The following FRMPD4 variants were observed in gnomAD, a reference collection of about 807,000 sequenced individuals.
FRMPD4 encodes the protein FERM and PDZ domain-containing protein 4.
FRMPD4 carries 22 observed loss-of-function variants against 94.1 expected under a neutral mutation model. That is an observed-to-expected ratio of 0.23 (90% CI 0.17 to 0.33). The LOEUF (loss-of-function observed/expected upper bound fraction) is 0.33. Ranked by LOEUF, FRMPD4 falls within the 10% of genes least tolerant of loss-of-function variation. FRMPD4 has a pLI of 1.00. For synonymous variants in FRMPD4, 631 were observed against 548.6 expected (o/e 1.15, Z -2.10); for missense variants, 1,111 against 1,339.9 (o/e 0.83, Z 2.67).
intron 3 of FRMPD4, among the ~76,000 whole-genome samples, chrX:12,053,190 T>G (rs749703729): frequency 2.8e-5 from 3 of 107,511 alleles, no homozygotes; most frequent in African/African-American, 1.0e-4. Flanking sequence ...ATACAAAAAA[T>G]TAGGTGGGTG....
intron 3 of FRMPD4, among the ~76,000 whole-genome samples, chrX:11,906,030 T>C (rs2053965221): frequency 9.0e-6 from 1 of 111,590 alleles, no homozygotes; most frequent in African/African-American, 3.3e-5. Flanking sequence ...CCAAATCCCC[T>C]GATCTTGACA....
intron 1 of FRMPD4, among the ~76,000 whole-genome samples, chrX:12,461,989 T>C (rs2148156599): frequency 8.9e-6 from 1 of 111,927 alleles, no homozygotes; most frequent in Admixed American, 9.5e-5. Context: ...TGAAAGCCAT[T>C]GTGGATTACC....
At chrX:12,235,401 C>T (rs1001273265) in intron 1 of FRMPD4, among the ~76,000 whole-genome samples, 1 of 112,086 alleles carries the variant, frequency 8.9e-6, no homozygotes, top group African/African-American at 3.2e-5. Flanking sequence ...GACAGGTCTT[C>T]CAAGCTGCAT....
rs1175311842 is a variant in FRMPD4, at chrX:12,087,877, TCTC to T, written c.95+209862_95+209864del. ...CCAAAGAAAATTAATAAGCATGTCT[TCTC>T]CTATTAGATTCCTGTTAAGATTTCA... is the stretch of plus-strand genomic sequence containing the variant. On this transcript the variant is annotated intron_variant, in intron 3 of 18. Transcript: ENST00000640291. Among the ~76,000 whole-genome samples, 3 of 112,543 alleles carry T rather than the reference TCTC, an allele frequency of 2.7e-5. 1 individual carries two copies. Among genetic ancestry groups the T allele is most frequent in the African/African-American group, 9.7e-5 (3 of 31,035 alleles).
intron 1 of FRMPD4, among the ~76,000 whole-genome samples, chrX:11,840,581 C>A (rs1295446218): frequency 9.1e-6 from 1 of 109,580 alleles, no homozygotes; most frequent in Non-Finnish European, 1.9e-5. Flanking sequence ...ACCTGCAGTA[C>A]AATTTTGAAT....
At chrX:12,414,237 C>T (rs2056770766) in intron 1 of FRMPD4, among the ~76,000 whole-genome samples, 1 of 112,526 alleles carries the variant, frequency 8.9e-6, no homozygotes. Flanking sequence ...CACTATGGTT[C>T]ATTAACAGAT....
rs144899875 is a variant in FRMPD4, at chrX:12,718,867, C to T, written c.3964+77C>T. 7.4e-5 allele frequency: 47 copies of T among 634,823 alleles called. 1 individual carries two copies. The highest frequency in any genetic ancestry group is 6.5e-5 in the East Asian group (2 of 30,866). The allele number at this position is 634,823 out of a possible 1,213,427, so 52.3% of individuals were successfully genotyped here. On this transcript the variant is annotated intron_variant, in intron 16 of 16. Transcript: ENST00000675598. ...ACCATATTTACAACAAACTTAAAAACGTAATGTCTGGAAGAAAAGTAAAAG... is the reference window on the plus strand; with the variant it reads ...ACCATATTTACAACAAACTTAAAAATGTAATGTCTGGAAGAAAAGTAAAAG...
chrX:11,873,060 GAAACAC>G (rs1320891691), intron 2 of FRMPD4, among the ~76,000 whole-genome samples: 1 of 111,659 alleles, frequency 9.0e-6, no homozygotes, highest in Non-Finnish European at 1.9e-5. Context: ...CAAATCTGCA[GAAACAC>G]AAAAATATTT....
chrX:12,168,146 C>G (rs1427696534), intron 1 of FRMPD4, among the ~76,000 whole-genome samples: 1 of 111,121 alleles, frequency 9.0e-6, no homozygotes, highest in Non-Finnish European at 1.9e-5. Flanking sequence ...ATTGAAAAAC[C>G]TGGTCTAAAG....
chrX:11,844,673 C>T (rs2053563119), intron 1 of FRMPD4, among the ~76,000 whole-genome samples: 1 of 111,532 alleles, frequency 9.0e-6, no homozygotes, highest in Non-Finnish European at 1.9e-5. Context: ...TTCTGTTTGC[C>T]TTTTTGTCAT....
chrX:12,194,928 G>T (rs1204808947), intron 1 of FRMPD4, among the ~76,000 whole-genome samples: 1 of 111,908 alleles, frequency 8.9e-6, no homozygotes, highest in Non-Finnish European at 1.9e-5. Context: ...AAGGATTGAG[G>T]CTGAAAGGTT....
intron 1 of FRMPD4, among the ~76,000 whole-genome samples, chrX:12,263,675 G>T: frequency 9.0e-6 from 1 of 111,244 alleles, no homozygotes; most frequent in East Asian, 2.8e-4. Flanking sequence ...AGAAGTGGAG[G>T]GATCCTGGAT....
intron 1 of FRMPD4, among the ~76,000 whole-genome samples, chrX:12,242,973 A>G (rs952478543): frequency 8.9e-6 from 1 of 112,603 alleles, no homozygotes; most frequent in Non-Finnish European, 1.9e-5. Context: ...TCCTGGGCTC[A>G]AGCAATCCTC....
chrX:12,546,338 C>T (rs772957681), intron 2 of FRMPD4, among the ~76,000 whole-genome samples: 3 of 111,159 alleles, frequency 2.7e-5, no homozygotes, highest in Admixed American at 9.5e-5. Context: ...CCACCACACC[C>T]GGCTAATCTT....
At chrX:12,126,958 CT>C (rs201883942) in intron 3 of FRMPD4, among the ~76,000 whole-genome samples, 1,257 of 111,933 alleles carry the variant, frequency 0.011, 9 homozygotes, top group Non-Finnish European at 0.015. Context: ...GTAACTGCCC[CT>C]ACAAGTCTTT....
intron 1 of FRMPD4, among the ~76,000 whole-genome samples, chrX:12,464,329 G>A (rs1165912802): frequency 2.7e-5 from 3 of 111,868 alleles, no homozygotes; most frequent in Non-Finnish European, 5.6e-5. Flanking sequence ...TGGCCAATAA[G>A]GAAGCATTAA....
intron 1 of FRMPD4, among the ~76,000 whole-genome samples, chrX:12,261,993 G>A (rs996079199): frequency 1.8e-5 from 2 of 111,522 alleles, no homozygotes; most frequent in African/African-American, 6.5e-5. Context: ...AAAAATAATC[G>A]GTTGTTACTC....
chrX:11,977,902 A>G (rs1449728012), intron 3 of FRMPD4, among the ~76,000 whole-genome samples: 2 of 111,468 alleles, frequency 1.8e-5, no homozygotes, highest in Non-Finnish European at 3.8e-5. Flanking sequence ...GGCTTCAGAG[A>G]GAACAGATTG....
chrX:11,992,154 C>A (rs2054468549), intron 3 of FRMPD4, among the ~76,000 whole-genome samples: 2 of 107,040 alleles, frequency 1.9e-5, no homozygotes, highest in South Asian at 4.0e-4. Context: ...AAAAAAAAAT[C>A]CCTTGTTAAA....
Sources: gnomAD v4.1 joint callset for allele counts (sites outside exome capture counted in the v4.1 genomes callset) on GRCh38, gnomAD v4.1.1 for gene constraint, MANE v1.5 for transcripts, NCBI Gene and HGNC (gene_info 2026-07-23, HGNC 2026-07-21) for gene names.